The following CYP7B1 variants were observed in gnomAD, a reference collection of about 807,000 sequenced individuals.
CYP7B1 encodes cytochrome P450 family 7 subfamily B member 1.
In CYP7B1, 29 loss-of-function variants were observed where a neutral mutation model predicts 42.7. The ratio of observed to expected loss-of-function variants is 0.68; its 90% CI spans 0.51 to 0.93. CYP7B1 has a LOEUF of 0.93. Among genes scored for constraint, CYP7B1 ranks in the 40% least tolerant of loss-of-function variants. The pLI, the probability that CYP7B1 is intolerant of heterozygous loss-of-function variation, is 0.00. For missense variants in CYP7B1, 655 were observed against 600.5 expected (o/e 1.09, Z -0.95); for synonymous variants, 235 against 218.2 (o/e 1.08, Z -0.68).
At chr8:64,696,419 C>G (rs2356990) in intron 1 of CYP7B1, among the ~76,000 whole-genome samples, 18,485 of 152,180 alleles carry the variant, frequency 0.12, 1,305 homozygotes, top group Non-Finnish European at 0.16. Context: ...AAACTATAAA[C>G]TGCAAAGCAA....
chr8:64,786,641 A>C (rs1804532573), intron 1 of CYP7B1, among the ~76,000 whole-genome samples: 1 of 152,158 alleles, frequency 6.6e-6, no homozygotes, highest in Non-Finnish European at 1.5e-5. Context: ...CCAGGTGCTC[A>C]GTGCAAGCTG....
intron 1 of CYP7B1, among the ~76,000 whole-genome samples, chr8:64,713,573 C>CA (rs1263413043): frequency 2.0e-5 from 3 of 151,630 alleles, no homozygotes; most frequent in African/African-American, 7.3e-5. Context: ...ATGTCTGTAA[C>CA]AAAAAATTAT....
intron 1 of CYP7B1, among the ~76,000 whole-genome samples, chr8:64,667,541 G>A (rs1008252288): frequency 6.6e-6 from 1 of 151,990 alleles, no homozygotes; most frequent in East Asian, 1.9e-4. Flanking sequence ...AACAGATAAG[G>A]AAGATAATAA....
At chr8:64,783,960 A>C (rs543439272) in intron 1 of CYP7B1, among the ~76,000 whole-genome samples, 55 of 152,332 alleles carry the variant, frequency 3.6e-4, no homozygotes, top group Non-Finnish European at 7.1e-4. Flanking sequence ...ATAATTAAGA[A>C]AAATCCTTTA....
chr8:64,625,190 G>A (rs1805592489), intron 1 of CYP7B1, among the ~76,000 whole-genome samples: 1 of 151,946 alleles, frequency 6.6e-6, no homozygotes, highest in Non-Finnish European at 1.5e-5. Context: ...AGCCAGGATG[G>A]CCTTGATCTC....
intron 1 of CYP7B1, among the ~76,000 whole-genome samples, chr8:64,746,309 A>C (rs1399495794): frequency 6.6e-6 from 1 of 152,180 alleles, no homozygotes; most frequent in Non-Finnish European, 1.5e-5. Flanking sequence ...GGCAAGCCTT[A>C]AGGTTACTTT....
downstream of CYP7B1, among the ~76,000 whole-genome samples, chr8:64,589,189 C>T (rs1805004273): frequency 6.6e-6 from 1 of 152,196 alleles, no homozygotes; most frequent in Non-Finnish European, 1.5e-5. Flanking sequence ...AGCATGTTGT[C>T]CCGTGGAGTA....
chr8:64,736,657 G>A (rs992821795), intron 1 of CYP7B1, among the ~76,000 whole-genome samples: 2 of 151,810 alleles, frequency 1.3e-5, no homozygotes, highest in African/African-American at 2.4e-5. Flanking sequence ...CACCATGTTG[G>A]TCAGGCTGGT....
chr8:64,701,688 A>G (rs775889250), intron 1 of CYP7B1, among the ~76,000 whole-genome samples: 15 of 152,092 alleles, frequency 9.9e-5, no homozygotes, highest in African/African-American at 2.4e-4. Context: ...ATAGGCAAGG[A>G]GAGAAGTTAA....
chr8:64,628,434 C>G (rs552227603), intron 1 of CYP7B1, among the ~76,000 whole-genome samples: 1 of 151,676 alleles, frequency 6.6e-6, no homozygotes. Flanking sequence ...TCACTTGAGG[C>G]TAGGAGTTGG....
chr8:64,610,308 A>G (rs1271431105), intron 4 of CYP7B1, among the ~76,000 whole-genome samples: 1 of 152,064 alleles, frequency 6.6e-6, no homozygotes, highest in Non-Finnish European at 1.5e-5. Context: ...CACTATTTAC[A>G]TCCCTGAGTT....
intron 1 of CYP7B1, among the ~76,000 whole-genome samples, chr8:64,703,397 C>G (rs1483984970): frequency 6.6e-6 from 1 of 152,012 alleles, no homozygotes; most frequent in Non-Finnish European, 1.5e-5. Context: ...ATAAAACTGT[C>G]TGGCTCTTAC....
At chr8:64,662,027 T>G (rs955201303) in intron 1 of CYP7B1, among the ~76,000 whole-genome samples, 7 of 152,038 alleles carry the variant, frequency 4.6e-5, no homozygotes, top group African/African-American at 1.7e-4. Flanking sequence ...TGGCCCTAGC[T>G]TCCTCCTCTA....
Position 64,615,060 on chromosome 8 carries a change from G to A in CYP7B1, c.1023C>T (p.Leu341=). ...QKKGSGFPIH[L]TREQLDSLIC... ...TTAGGCTGTCCAATTGTTCTCTGGT[G>A]AGGTGGATGGGAAATCCAGACCCTT... The change falls in exon 4 of 6, where the codon CTC becomes CTT. Residue 341 remains leucine, a synonymous_variant. Transcript: ENST00000310193. 1.9e-6 allele frequency: 3 copies of A among 1,613,714 alleles called. No individual in the cohort carries two copies. The highest frequency in any genetic ancestry group is 1.1e-5 in the South Asian group (1 of 91,080).
At chr8:64,778,790 T>A (rs55839813) in intron 1 of CYP7B1, among the ~76,000 whole-genome samples, 19,051 of 152,072 alleles carry the variant, frequency 0.13, 2,256 homozygotes, top group African/African-American at 0.31. Flanking sequence ...GGCAACTTCC[T>A]GCATCTTCTC....
intron 1 of CYP7B1, among the ~76,000 whole-genome samples, chr8:64,709,783 A>C (rs1807053784): frequency 6.6e-6 from 1 of 152,166 alleles, no homozygotes; most frequent in African/African-American, 2.4e-5. Context: ...ATCAACTTAC[A>C]AAGTACTCTC....
intron 1 of CYP7B1, among the ~76,000 whole-genome samples, chr8:64,720,611 A>T (rs35307789): frequency 6.6e-6 from 1 of 152,200 alleles, no homozygotes; most frequent in Non-Finnish European, 1.5e-5. Flanking sequence ...AGAGGAAATT[A>T]AGCTCTTTAA....
intron 1 of CYP7B1, among the ~76,000 whole-genome samples, chr8:64,635,184 C>G (rs939002199): frequency 1.3e-5 from 2 of 152,206 alleles, no homozygotes; most frequent in Non-Finnish European, 2.9e-5. Context: ...CTGCAAGAAT[C>G]AGACTGATGT....
chr8:64,638,620 A>C (rs546740112), intron 1 of CYP7B1, among the ~76,000 whole-genome samples: 4 of 152,250 alleles, frequency 2.6e-5, no homozygotes, highest in Admixed American at 2.6e-4. Context: ...GAAGTCAGGA[A>C]TGAAGGAAAG....
Sources: gnomAD v4.1 joint callset for allele counts (sites outside exome capture counted in the v4.1 genomes callset) on GRCh38, gnomAD v4.1.1 for gene constraint, MANE v1.5 for transcripts, NCBI Gene and HGNC (gene_info 2026-07-23, HGNC 2026-07-21) for gene names.